DCAF5: variants seen among roughly 807,000 people sequenced by gnomAD.
DCAF5 encodes the protein DDB1 and CUL4 associated factor 5.
DCAF5 carries 9 observed loss-of-function variants against 80.7 expected under a neutral mutation model. The observed-to-expected ratio is 0.11, with a 90% CI of 0.07 to 0.19. The LOEUF (loss-of-function observed/expected upper bound fraction) is 0.19. Among genes scored for constraint, DCAF5 ranks in the 10% least tolerant of loss-of-function variants. The pLI, the probability that DCAF5 is intolerant of heterozygous loss-of-function variation, is 1.00. For missense variants in DCAF5, 842 were observed against 1,205.7 expected, an observed-to-expected ratio of 0.70 and a Z score of 4.47; for synonymous variants, 433 against 461.9, an observed-to-expected ratio of 0.94 and a Z score of 0.80.
At chr14:69,119,353 G>C (rs537748216) in intron 2 of DCAF5, 123 bp from the exon 3 acceptor site, 1 of 877,896 alleles carries the variant, frequency 1.1e-6, no homozygotes, top group Non-Finnish European at 1.7e-6. Flanking sequence ...ATACAAATTA[G>C]AAGTGTTAAC....
chr14:69,113,915 C>G (rs1198082342), intron 5 of DCAF5, among the ~76,000 whole-genome samples: 1 of 152,100 alleles, frequency 6.6e-6, no homozygotes, highest in African/African-American at 2.4e-5. Flanking sequence ...TTCTTTTATT[C>G]CAAAAAGAAA....
At chr14:69,069,575 A>G (rs1176785816) in intron 7 of DCAF5, among the ~76,000 whole-genome samples, 4 of 152,180 alleles carry the variant, frequency 2.6e-5, no homozygotes, top group Non-Finnish European at 5.9e-5. Flanking sequence ...CTGGGACTAC[A>G]GGCATATGCC....
intron 5 of DCAF5, among the ~76,000 whole-genome samples, chr14:69,099,269 C>T (rs2039863056): frequency 6.7e-6 from 1 of 149,858 alleles, no homozygotes; most frequent in African/African-American, 2.5e-5. Flanking sequence ...CACACACACA[C>T]ACACACACAC....
Position 69,055,062 on chromosome 14 carries a change from G to T in DCAF5, c.1624C>A (p.Leu542Ile). 6.2e-7 allele frequency: 1 copy of T among 1,614,242 alleles called. No individual in the cohort carries two copies. Among genetic ancestry groups the T allele is most frequent in the Non-Finnish European group, 8.5e-7 (1 of 1,180,038 alleles). Residue 542 changes from leucine (L) to isoleucine (I), a missense_variant, in exon 9 of 9, where the codon CTA (leucine) becomes ATA (isoleucine). Leu to Ile is a conservative substitution (Grantham distance 5). Transcript: ENST00000341516. The surrounding 1 kb of genome is among the most constrained non-coding windows in gnomAD (Gnocchi z 5.6). Reference protein sequence around the residue: ...DSEENVCEVELDTDLFPRPRS... With the variant: ...DSEENVCEVEIDTDLFPRPRS... Reference sequence around the variant, plus strand: ...GGCCGGGGAAAGAGATCTGTGTCTAGTTCCACCTCACAGACATTCTCCTCA... The same window carrying T: ...GGCCGGGGAAAGAGATCTGTGTCTATTTCCACCTCACAGACATTCTCCTCA...
Position 69,066,910 on chromosome 14 carries a change from C to T in DCAF5, c.947-4399G>A, listed in dbSNP as rs572085502. 1.5e-3 allele frequency among the ~76,000 whole-genome samples: 228 copies of T among 152,304 alleles called. 5 individuals are homozygous for T. In the South Asian group the frequency reaches 0.027, roughly 18 times the overall value. ...TCATGAAGTCCTCCAAGAATGAGTA[C>T]GTTTTTGACTCAAAAGCTGAAAGCA... On this transcript the variant is annotated intron_variant, in intron 7 of 8. Transcript: ENST00000341516.
At chr14:69,135,345 A>C (rs191671201) in intron 1 of DCAF5, among the ~76,000 whole-genome samples, 1 of 152,208 alleles carries the variant, frequency 6.6e-6, no homozygotes, top group East Asian at 1.9e-4. Context: ...TTCACTCAGG[A>C]GTGCCTTGAT....
intron 1 of DCAF5, among the ~76,000 whole-genome samples, chr14:69,148,907 A>G (rs2041624683): frequency 6.6e-6 from 1 of 152,190 alleles, no homozygotes; most frequent in Non-Finnish European, 1.5e-5. Context: ...CATGACATCA[A>G]ATCCCAAGCA....
At chr14:69,076,017 T>A (rs2038884969) in intron 6 of DCAF5, among the ~76,000 whole-genome samples, 1 of 151,506 alleles carries the variant, frequency 6.6e-6, no homozygotes. Context: ...AAATGGCTAG[T>A]AAGTATAGGA....
intron 1 of DCAF5, among the ~76,000 whole-genome samples, chr14:69,149,198 C>T (rs1273534799): frequency 2.0e-5 from 3 of 152,194 alleles, no homozygotes; most frequent in Non-Finnish European, 4.4e-5. Context: ...CCTCAGAAAA[C>T]ACATTCAGAG....
intron 1 of DCAF5, among the ~76,000 whole-genome samples, chr14:69,135,550 T>C (rs2041166185): frequency 6.6e-6 from 1 of 152,242 alleles, no homozygotes; most frequent in Non-Finnish European, 1.5e-5. Context: ...ACATTTTTAC[T>C]TGAAATTACT....
rs1340498652 is a variant in DCAF5 at position 69,152,112 on chromosome 14, CTG to C, written c.214+651_214+652del. Reference sequence around the variant, plus strand: ...TCCACAGCCCTCGCCACTCTCGAAACTGTATTAAAAACAAGACGCAGAAGAGG... The same window carrying C: ...TCCACAGCCCTCGCCACTCTCGAAACTATTAAAAACAAGACGCAGAAGAGG... On this transcript the variant is annotated intron_variant, in intron 1 of 8. Coordinates refer to ENST00000341516, the MANE Select transcript of DCAF5 (RefSeq NM_003861.3). This position sits in a 1 kb window ranked among gnomAD's most constrained non-coding sequence, Gnocchi z 4.1. Among the ~76,000 whole-genome samples the C allele has an allele frequency of 6.6e-6, 1 of 152,202 alleles. No homozygotes were observed. The highest frequency in any genetic ancestry group is 1.5e-5 in the Non-Finnish European group (1 of 68,028).
At chr14:69,070,536 T>A (rs1478377083) in intron 7 of DCAF5, among the ~76,000 whole-genome samples, 1 of 152,222 alleles carries the variant, frequency 6.6e-6, no homozygotes, top group African/African-American at 2.4e-5. Flanking sequence ...ATCAGACATG[T>A]AGTTAGTGGT....
At chr14:69,089,805 T>G in intron 6 of DCAF5, 3 of 492,930 alleles carry the variant, frequency 6.1e-6, no homozygotes, top group Non-Finnish European at 5.3e-6. Flanking sequence ...TAACTTAGGA[T>G]GATATTACCG....
intron 6 of DCAF5, among the ~76,000 whole-genome samples, chr14:69,079,451 G>A (rs2039019942): frequency 6.6e-6 from 1 of 152,116 alleles, no homozygotes; most frequent in Non-Finnish European, 1.5e-5. Flanking sequence ...AGCTAGGGAT[G>A]ATTTTTAGGG....
chr14:69,066,580 C>G (rs530303156), intron 7 of DCAF5, among the ~76,000 whole-genome samples: 37 of 152,296 alleles, frequency 2.4e-4, no homozygotes, highest in African/African-American at 8.9e-4. Flanking sequence ...AAAATGAGAA[C>G]AAGGTATCTC....
At chr14:69,102,406 C>T (rs2039986564) in intron 5 of DCAF5, among the ~76,000 whole-genome samples, 1 of 152,076 alleles carries the variant, frequency 6.6e-6, no homozygotes, top group African/African-American at 2.4e-5. Flanking sequence ...CGCGCCCGAC[C>T]ATTAGTTTAC....
intron 7 of DCAF5, among the ~76,000 whole-genome samples, chr14:69,075,114 A>G (rs151066691): frequency 5.3e-5 from 8 of 152,306 alleles, no homozygotes; most frequent in African/African-American, 1.9e-4. Flanking sequence ...AGTCTGAAGA[A>G]AAGTTTTTAG....
intron 2 of DCAF5, among the ~76,000 whole-genome samples, chr14:69,120,122 T>C (rs567989912): frequency 2.0e-5 from 3 of 152,288 alleles, no homozygotes; most frequent in Admixed American, 6.5e-5. Context: ...CCTGCTCTGT[T>C]GTCCAGGCTG....
intron 6 of DCAF5, chr14:69,084,339 G>C (rs1031208523): frequency 2.2e-5 from 21 of 952,036 alleles, no homozygotes; most frequent in Middle Eastern, 3.2e-4. Flanking sequence ...AATATCCCAG[G>C]GTTTATGTAT....
Sources: gnomAD v4.1 joint callset for allele counts (sites outside exome capture counted in the v4.1 genomes callset) on GRCh38, gnomAD v4.1.1 for gene constraint, Gnocchi (gnomAD v3.1) non-coding constraint, MANE v1.5 for transcripts, NCBI Gene and HGNC (gene_info 2026-07-23, HGNC 2026-07-21) for gene names.